The following PRKG1 variants were observed in gnomAD, a reference collection of about 807,000 sequenced individuals.
PRKG1 encodes the protein cGMP-dependent protein kinase 1.
A neutral mutation model predicts 88.1 loss-of-function variants in PRKG1; 35 were observed. The observed-to-expected ratio is 0.40, with a 90% CI of 0.30 to 0.53. The LOEUF is 0.53. Among genes scored for constraint, PRKG1 ranks in the 20% least tolerant of loss-of-function variants. PRKG1 has a pLI of 0.59. For synonymous variants in PRKG1, 303 were observed against 292.5 expected, an observed-to-expected ratio of 1.04 and a Z score of -0.37; for missense variants, 540 against 839.8, an observed-to-expected ratio of 0.64 and a Z score of 4.41.
chr10:51,218,449 G>A (rs188670078), intron 2 of PRKG1, among the ~76,000 whole-genome samples: 2 of 133,490 alleles, frequency 1.5e-5, no homozygotes, highest in African/African-American at 5.6e-5. Flanking sequence ...CTAATGACTA[G>A]CATATTTTGA....
intron 3 of PRKG1, chr10:51,568,743 A>G (rs1837672245): frequency 7.2e-6 from 1 of 139,828 alleles, no homozygotes; most frequent in Non-Finnish European, 1.5e-5. Flanking sequence ...TTCTAAAAGC[A>G]TCATTACACC....
chr10:51,460,848 T>G (rs1839726062), intron 2 of PRKG1, among the ~76,000 whole-genome samples: 1 of 152,138 alleles, frequency 6.6e-6, no homozygotes, highest in Non-Finnish European at 1.5e-5. Context: ...ATTCTGATGG[T>G]TCAGATGATT....
chr10:51,799,680 G>A (rs72799425), intron 3 of PRKG1, among the ~76,000 whole-genome samples: 78 of 152,070 alleles, frequency 5.1e-4, no homozygotes, highest in South Asian at 8.3e-4. Flanking sequence ...TAGTATAAAA[G>A]TATTTTGATG....
At chr10:51,376,971 C>A (rs948676542) in intron 2 of PRKG1, among the ~76,000 whole-genome samples, 9 of 152,228 alleles carry the variant, frequency 5.9e-5, no homozygotes, top group Non-Finnish European at 1.2e-4. Context: ...GCCACTGCGC[C>A]TGGCCAGTCC....
intron 3 of PRKG1, among the ~76,000 whole-genome samples, chr10:51,717,363 A>G (rs1589228321): frequency 6.6e-6 from 1 of 152,142 alleles, no homozygotes; most frequent in African/African-American, 2.4e-5. Flanking sequence ...CAAAGGAAGG[A>G]TTTGTCAAAT....
At chr10:51,569,874 C>T (rs75091303) in intron 3 of PRKG1, among the ~76,000 whole-genome samples, 1 of 151,628 alleles carries the variant, frequency 6.6e-6, no homozygotes, top group Non-Finnish European at 1.5e-5. Flanking sequence ...GCATGGTAGG[C>T]CGGTTTTACC....
intron 3 of PRKG1, among the ~76,000 whole-genome samples, chr10:51,478,216 C>T (rs1035759860): frequency 5.3e-5 from 8 of 152,104 alleles, no homozygotes; most frequent in African/African-American, 1.9e-4. Context: ...GGCTATTGAG[C>T]ATGCCTTTAA....
At chr10:52,016,304 T>A (rs1845038366) in intron 5 of PRKG1, among the ~76,000 whole-genome samples, 2 of 152,188 alleles carry the variant, frequency 1.3e-5, no homozygotes, top group Non-Finnish European at 2.9e-5. Context: ...AGACGTTTTT[T>A]ATATGGCAGC....
intron 3 of PRKG1, among the ~76,000 whole-genome samples, chr10:51,765,639 T>G (rs531387629): frequency 1.3e-5 from 2 of 152,272 alleles, no homozygotes; most frequent in East Asian, 3.9e-4. Context: ...TCTCTGAGTC[T>G]TGGCCCATAC....
intron 1 of PRKG1, among the ~76,000 whole-genome samples, chr10:51,026,689 A>C (rs1843211173): frequency 6.6e-6 from 1 of 152,136 alleles, no homozygotes; most frequent in African/African-American, 2.4e-5. Flanking sequence ...GGATAACTTC[A>C]GGATACTAAA....
intron 3 of PRKG1, among the ~76,000 whole-genome samples, chr10:51,572,799 C>T (rs920565617): frequency 2.0e-5 from 3 of 151,754 alleles, no homozygotes; most frequent in African/African-American, 7.3e-5. Flanking sequence ...TTTTCTAACA[C>T]CTACCCCAAT....
At chr10:51,932,617 C>T (rs975807411) in intron 5 of PRKG1, among the ~76,000 whole-genome samples, 1 of 152,116 alleles carries the variant, frequency 6.6e-6, no homozygotes, top group Non-Finnish European at 1.5e-5. Flanking sequence ...AGGGACCAAG[C>T]GTGGGGTTTC....
At chr10:51,549,291 A>T (rs1490266556) in intron 3 of PRKG1, among the ~76,000 whole-genome samples, 1 of 150,666 alleles carries the variant, frequency 6.6e-6, no homozygotes, top group African/African-American at 2.4e-5. Flanking sequence ...CGCCCAGCTA[A>T]TTTTTTGTAT....
At chr10:52,247,997 AG>A (rs1356522398) in intron 9 of PRKG1, among the ~76,000 whole-genome samples, 1 of 152,254 alleles carries the variant, frequency 6.6e-6, no homozygotes, top group Admixed American at 6.5e-5. Flanking sequence ...ATTAACTAAA[AG>A]TATCCCTTAT....
intron 2 of PRKG1, among the ~76,000 whole-genome samples, chr10:51,226,579 G>T (rs2132101107): frequency 6.6e-6 from 1 of 152,184 alleles, no homozygotes; most frequent in Admixed American, 6.5e-5. Flanking sequence ...CTTTGGTCTG[G>T]TTCAATATGT....
intron 5 of PRKG1, among the ~76,000 whole-genome samples, chr10:51,961,131 A>C (rs555474733): frequency 6.6e-6 from 1 of 152,198 alleles, no homozygotes; most frequent in African/African-American, 2.4e-5. Flanking sequence ...TTTCTAGAGA[A>C]GGATATTATT....
intron 3 of PRKG1, among the ~76,000 whole-genome samples, chr10:51,594,659 G>A (rs1838397318): frequency 6.6e-6 from 1 of 152,060 alleles, no homozygotes; most frequent in African/African-American, 2.4e-5. Context: ...TTTTCCTTTA[G>A]CCTAACACAA....
chr10:52,023,970 G>T (rs147037507), intron 5 of PRKG1, among the ~76,000 whole-genome samples: 1 of 152,220 alleles, frequency 6.6e-6, no homozygotes, highest in Admixed American at 6.5e-5. Flanking sequence ...TGGTGGTTTA[G>T]TCATGAAGTC....
intron 3 of PRKG1, among the ~76,000 whole-genome samples, chr10:51,630,971 C>G (rs1338111455): frequency 3.3e-5 from 5 of 152,126 alleles, no homozygotes; most frequent in Admixed American, 3.3e-4. Context: ...TGAAAAACTC[C>G]AAAGGCTTGT....
Sources: allele counts gnomAD v4.1 joint callset (sites outside exome capture counted in the v4.1 genomes callset), GRCh38; gene constraint gnomAD v4.1.1; transcripts MANE v1.5; gene names NCBI Gene and HGNC (gene_info 2026-07-23, HGNC 2026-07-21).